TMED3: variants seen among roughly 807,000 people sequenced by gnomAD.
The protein encoded by TMED3 is transmembrane emp24 domain-containing protein 3.
TMED3 carries 9 observed loss-of-function variants against 15.0 expected under a neutral mutation model. That is an observed-to-expected ratio of 0.60 (90% CI 0.36 to 1.04). The LOEUF (loss-of-function observed/expected upper bound fraction) is 1.04. Ranked by LOEUF, TMED3 falls within the 50% of genes least tolerant of loss-of-function variation. The pLI, the probability that TMED3 is intolerant of heterozygous loss-of-function variation, is 0.01. For missense variants in TMED3, 267 were observed against 278.9 expected (o/e 0.96, Z 0.30); for synonymous variants, 117 against 121.4 (o/e 0.96, Z 0.24).
chr15:79,312,249 G>C (rs895947110), intron 1 of TMED3, among the ~76,000 whole-genome samples: 4 of 152,186 alleles, frequency 2.6e-5, no homozygotes, highest in African/African-American at 9.7e-5. Context: ...GTTCCTCTGT[G>C]GTTAGAGGCA....
chr15:79,397,239 C>G (rs1420114066), intron 2 of TMED3, among the ~76,000 whole-genome samples: 2 of 152,240 alleles, frequency 1.3e-5, no homozygotes, highest in Admixed American at 1.3e-4. Flanking sequence ...GAACTTCGTT[C>G]CTGGTTCACA....
chr15:79,322,870 C>T, downstream of TMED3: 2 of 985,442 alleles, frequency 2.0e-6, no homozygotes, highest in Non-Finnish European at 2.4e-6. Flanking sequence ...TTTCTTTGCC[C>T]TAAAGGACTC....
chr15:79,345,541 T>G (rs1292467316), intron 2 of TMED3, among the ~76,000 whole-genome samples: 2 of 152,196 alleles, frequency 1.3e-5, no homozygotes, highest in African/African-American at 4.8e-5. Context: ...CTTTATCCAG[T>G]CTATTATTGG....
intron 2 of TMED3, among the ~76,000 whole-genome samples, chr15:79,389,935 T>G (rs936007234): frequency 1.3e-5 from 2 of 152,200 alleles, no homozygotes; most frequent in African/African-American, 4.8e-5. Flanking sequence ...TGTACATTAA[T>G]CTTGTATCCA....
intron 2 of TMED3, among the ~76,000 whole-genome samples, chr15:79,386,934 C>T (rs1252359377): frequency 5.1e-5 from 7 of 137,386 alleles, no homozygotes; most frequent in Admixed American, 2.2e-4. Context: ...ATCTTTTAAT[C>T]TTTTTTTTTT....
chr15:79,388,302 T>A (rs1893652384), intron 2 of TMED3, among the ~76,000 whole-genome samples: 1 of 152,192 alleles, frequency 6.6e-6, no homozygotes, highest in Admixed American at 6.5e-5. Flanking sequence ...CCAAGTATAC[T>A]AAGAGCTTAT....
intron 2 of TMED3, among the ~76,000 whole-genome samples, chr15:79,364,572 C>T (rs1174183937): frequency 6.6e-6 from 1 of 151,836 alleles, no homozygotes; most frequent in Non-Finnish European, 1.5e-5. Context: ...CTGCCATGCC[C>T]CGATCCTGCA....
intron 2 of TMED3, among the ~76,000 whole-genome samples, chr15:79,365,002 G>A (rs929935178): frequency 1.3e-5 from 2 of 152,242 alleles, no homozygotes; most frequent in Non-Finnish European, 2.9e-5. Context: ...GGATGGCAGG[G>A]CTAAAAGGGC....
intron 2 of TMED3, among the ~76,000 whole-genome samples, chr15:79,344,249 G>A (rs1341184510): frequency 1.3e-5 from 2 of 152,170 alleles, no homozygotes; most frequent in Non-Finnish European, 2.9e-5. Flanking sequence ...AGTGAGCCTC[G>A]GTGTCAAATG....
chr15:79,343,745 T>C (rs2058859489), intron 2 of TMED3, among the ~76,000 whole-genome samples: 1 of 152,120 alleles, frequency 6.6e-6, no homozygotes, highest in Non-Finnish European at 1.5e-5. Context: ...TTGGGTTGAA[T>C]ATGAGGCACA....
At chr15:79,398,625 CT>C (rs1595910966) in intron 2 of TMED3, among the ~76,000 whole-genome samples, 1 of 150,050 alleles carries the variant, frequency 6.7e-6, no homozygotes, top group East Asian at 1.9e-4. Flanking sequence ...TTACTCCACC[CT>C]TTTTTTCTGT....
intron 2 of TMED3, among the ~76,000 whole-genome samples, chr15:79,366,976 T>G (rs1195357041): frequency 1.3e-5 from 2 of 152,204 alleles, no homozygotes; most frequent in Non-Finnish European, 2.9e-5. Context: ...TTGCAGAGAA[T>G]AATGATGGCT....
Position 79,313,860 on chromosome 15 carries a change from G to A in TMED3, c.272G>A (p.Arg91Gln), listed in dbSNP as rs147409522. Residue 91 changes from arginine to glutamine, a missense_variant, in exon 2 of 3, where the codon CGG (arginine) becomes CAG (glutamine). Physicochemically the swap from Arg to Gln is conservative, Grantham distance 43. Around this residue, in one of 3 missense-constraint regions of TMED3, gnomAD observed 69 missense variants for 106.8 expected, o/e 0.65. Transcript: ENST00000299705. Reference sequence around the variant, plus strand: ...AAGCAGTACGACAGCTTCACGTACCGGGCTGAAGTCAAGGGCGTTTATCAG... The same window carrying A: ...AAGCAGTACGACAGCTTCACGTACCAGGCTGAAGTCAAGGGCGTTTATCAG... The part of the protein sequence containing the change: ...TKKQYDSFTY[R>Q]AEVKGVYQFC... The A allele has an allele frequency of 6.1e-3, 9,784 of 1,614,224 alleles. 39 individuals carry two copies. The highest frequency in any genetic ancestry group is 7.8e-3 in the Non-Finnish European group (9,148 of 1,180,042).
At chr15:79,353,143 AATATATAAAAT>A (rs1379707172) in intron 2 of TMED3, among the ~76,000 whole-genome samples, 2,921 of 79,012 alleles carry the variant, frequency 0.037, 206 homozygotes, top group African/African-American at 0.062. Flanking sequence ...ATATATAAAA[AATATATAAAAT>A]ATATATAAAT....
At chr15:79,330,812 A>G (rs113473706) in intron 2 of TMED3, among the ~76,000 whole-genome samples, 94 of 152,348 alleles carry the variant, frequency 6.2e-4, no homozygotes, top group Non-Finnish European at 1.0e-3. Context: ...CCAAAACAGC[A>G]TGGTACTGGC....
In TMED3 at chr15:79,372,805, A is replaced by G. The variant is rs151039248; in HGVS notation, c.418-38595A>G. Among the ~76,000 whole-genome samples, 378 of 152,340 alleles carry G rather than the reference A, an allele frequency of 2.5e-3. 3 individuals are homozygous for G. The highest frequency in any genetic ancestry group is 8.9e-3 in the African/African-American group (369 of 41,574). On this transcript the variant is annotated intron_variant, in intron 2 of 2. Coordinates refer to the TMED3 transcript ENST00000424155. ...CTCCCCAACCCTGACTCTACCGTTC[A>G]GTTCCCAGCTAGGTAGTTAGAATTG...
At chr15:79,411,325 G>C in intron 2 of TMED3, 1 of 681,860 alleles carries the variant, frequency 1.5e-6, no homozygotes, top group Non-Finnish European at 2.7e-6. Context: ...GAATGCAAAT[G>C]GAGGGCTTTA....
intron 2 of TMED3, among the ~76,000 whole-genome samples, chr15:79,335,007 C>G (rs12915108): frequency 0.25 from 37,652 of 152,044 alleles, 5,831 homozygotes; most frequent in Middle Eastern, 0.41. Flanking sequence ...TAAAGAAAGG[C>G]TTGAGAAGAC....
At position 79,388,699 on chromosome 15, in the gene TMED3, A is replaced by G. The variant is rs150338563; in HGVS notation, c.418-22701A>G. Among the ~76,000 whole-genome samples, 379 of 152,178 alleles carry G rather than the reference A, an allele frequency of 2.5e-3. 4 individuals are homozygous for G. The highest frequency in any genetic ancestry group is 8.5e-3 in the African/African-American group (352 of 41,558). ...CTCTGTTTTCTATAGTGGCTGTACT[A>G]GTTCCTACCAGCAGTGTAAAAGTGT... On this transcript the variant is annotated intron_variant, in intron 2 of 2. Coordinates refer to the TMED3 transcript ENST00000424155.
Sources: gnomAD v4.1 joint callset for allele counts (sites outside exome capture counted in the v4.1 genomes callset) on GRCh38, gnomAD v4.1.1 for gene constraint, gnomAD v4.1.1 regional missense constraint, MANE v1.5 for transcripts, NCBI Gene and HGNC (gene_info 2026-07-23, HGNC 2026-07-21) for gene names.